DCAF6: variants seen among roughly 807,000 people sequenced by gnomAD.
DCAF6 encodes the protein DDB1 and CUL4 associated factor 6, also known as DDB1- and CUL4-associated factor 6.
In DCAF6, 54 loss-of-function variants were observed where a neutral mutation model predicts 125.1. The observed-to-expected ratio is 0.43, with a 90% CI of 0.35 to 0.54. DCAF6 has a LOEUF of 0.54. DCAF6 is among the 20% of genes least tolerant of loss of function. The probability of loss-of-function intolerance (pLI) is 0.01; values close to 1 mark genes in which losing one functional copy is unlikely to be tolerated. For missense variants in DCAF6, 934 were observed against 1,161.7 expected (o/e 0.80, Z 2.85); for synonymous variants, 371 against 390.4 (o/e 0.95, Z 0.58).
intron 10 of DCAF6, among the ~76,000 whole-genome samples, chr1:168,011,977 A>G (rs1180546605): frequency 2.6e-5 from 4 of 152,060 alleles, no homozygotes; most frequent in East Asian, 3.9e-4. Context: ...TGTCTCAGAA[A>G]AAAGAAAGAA....
chr1:167,953,140 TTTTC>T (rs1486281199), intron 2 of DCAF6, among the ~76,000 whole-genome samples: 25 of 152,324 alleles, frequency 1.6e-4, no homozygotes, highest in African/African-American at 6.0e-4. Flanking sequence ...ATAGTCCATA[TTTTC>T]TTTGTTTTAA....
chr1:167,991,202 A>G lies in DCAF6; in HGVS notation c.553-2A>G. ...TAATTGGTATTATGTTATGTTTTGT[A>G]GGATATTTTAATTAACTGTCGACGT... On this transcript the variant is annotated splice_acceptor_variant, in intron 5 of 21. Coordinates refer to ENST00000367840, the MANE Select transcript of DCAF6 (RefSeq NM_001198956.2). LOFTEE classifies it high-confidence loss of function. 6.2e-7 allele frequency: 1 copy of G among 1,609,704 alleles called. No homozygotes were observed. Among genetic ancestry groups the G allele is most frequent in the Non-Finnish European group, 8.5e-7 (1 of 1,178,726 alleles).
chr1:167,919,343 A>G, the DCAF6 span, among the ~76,000 whole-genome samples: 25 of 152,214 alleles, frequency 1.6e-4, no homozygotes, highest in African/African-American at 5.3e-4. Context: ...AATGGAGAGT[A>G]GTATAAAAGC....
At chr1:167,924,310 C>T in the DCAF6 span, 1 of 441,252 alleles carries the variant, frequency 2.3e-6, no homozygotes, top group Non-Finnish European at 4.1e-6. Context: ...CTAAAGAGTT[C>T]AGAAAAACTA....
At chr1:167,961,037 CT>C (rs1407918446) in intron 2 of DCAF6, among the ~76,000 whole-genome samples, 1 of 151,982 alleles carries the variant, frequency 6.6e-6, no homozygotes, top group Non-Finnish European at 1.5e-5. Context: ...TATAATTTTC[CT>C]CATAGAAATC....
the DCAF6 span, among the ~76,000 whole-genome samples, chr1:167,903,515 G>C: frequency 1.6e-4 from 25 of 152,124 alleles, no homozygotes; most frequent in Non-Finnish European, 3.2e-4. Context: ...AGTGAGCCAA[G>C]ATTGTGCCAC....
chr1:168,066,538 A>G, intron 20 of DCAF6, 73 bp downstream of exon 20: 2 of 1,076,834 alleles, frequency 1.9e-6, no homozygotes, highest in South Asian at 3.0e-5. Context: ...AGAAAAATTA[A>G]AAGTTATTAG....
At chr1:167,904,180 C>T in the DCAF6 span, among the ~76,000 whole-genome samples, 7 of 151,280 alleles carry the variant, frequency 4.6e-5, no homozygotes, top group African/African-American at 7.3e-5. Context: ...CTCCGCCTCC[C>T]GGGTTCAAGC....
At chr1:167,976,298 GTC>G (rs1209130592) in intron 4 of DCAF6, among the ~76,000 whole-genome samples, 2 of 151,918 alleles carry the variant, frequency 1.3e-5, no homozygotes, top group Non-Finnish European at 2.9e-5. Flanking sequence ...GTGAAACCCT[GTC>G]TCTACTAAAA....
At chr1:167,922,153 T>C in the DCAF6 span, among the ~76,000 whole-genome samples, 1 of 152,172 alleles carries the variant, frequency 6.6e-6, no homozygotes, top group Admixed American at 6.5e-5. Context: ...AAGTATCTAA[T>C]AGAAGAAGTC....
In DCAF6 at chr1:168,004,868, T is replaced by TA. The variant is rs1683129829; in HGVS notation, c.1378+76dup. 7 of 1,477,784 alleles carry TA rather than the reference T, an allele frequency of 4.7e-6. No individual in the cohort carries two copies. The East Asian group carries it at 1.4e-4, about 29-fold the overall frequency. 91.5% of individuals were successfully genotyped at this position (1,477,784 alleles called of 1,614,324 possible). ...TTTCTTTACTGGCTATTTTGAAAGA[T>TA]ACTAAATCACATCAACTTCTTGTTG... On this transcript the variant is annotated intron_variant, in intron 10 of 21. Coordinates refer to ENST00000367840, the MANE Select transcript of DCAF6 (RefSeq NM_001198956.2).
chr1:167,931,376 T>A (rs1042535246), upstream of DCAF6, among the ~76,000 whole-genome samples: 1 of 152,216 alleles, frequency 6.6e-6, no homozygotes, highest in African/African-American at 2.4e-5. Flanking sequence ...TCAACCTTCT[T>A]GGTAGCTGAT....
chr1:167,931,635 A>G (rs1260024798), upstream of DCAF6, among the ~76,000 whole-genome samples: 1 of 152,116 alleles, frequency 6.6e-6, no homozygotes, highest in African/African-American at 2.4e-5. Flanking sequence ...AAGTTCTAAC[A>G]GAGATGCTAA....
upstream of DCAF6, among the ~76,000 whole-genome samples, chr1:167,931,335 T>C (rs1466299661): frequency 1.3e-5 from 2 of 152,342 alleles, no homozygotes; most frequent in Admixed American, 1.3e-4. Context: ...GTGTCTAATA[T>C]ACAATAGGCC....
chr1:167,888,250 G>A, the DCAF6 span, among the ~76,000 whole-genome samples: 21 of 152,066 alleles, frequency 1.4e-4, no homozygotes, highest in Non-Finnish European at 2.4e-4. Flanking sequence ...GATAGCTTTG[G>A]CTACTCTGGG....
intron 1 of DCAF6, among the ~76,000 whole-genome samples, chr1:167,937,458 A>G (rs994034104): frequency 6.6e-6 from 1 of 152,030 alleles, no homozygotes; most frequent in Non-Finnish European, 1.5e-5. Flanking sequence ...CGACGCGTTG[A>G]CCACCCTCAG....
intron 10 of DCAF6, among the ~76,000 whole-genome samples, chr1:168,012,499 G>A (rs1684442254): frequency 6.6e-6 from 1 of 152,064 alleles, no homozygotes; most frequent in Non-Finnish European, 1.5e-5. Context: ...TTCAGTTTGG[G>A]TCATGTTGAC....
In DCAF6 at chr1:167,988,169, A is replaced by ATTAAT. The variant is rs1680287209; in HGVS notation, c.552+563_552+564insAATTT. Among the ~76,000 whole-genome samples, 10 of 151,924 alleles carry ATTAAT rather than the reference A, an allele frequency of 6.6e-5. No individual in the cohort carries two copies. The South Asian group carries it at 1.9e-3, about 28-fold the overall frequency. On this transcript the variant is annotated intron_variant, in intron 5 of 21. Transcript: ENST00000367840. The stretch of plus-strand genomic sequence containing the variant: ...TTAATACAATTAAATTAATTAATTA[A>ATTAAT]TTTTTTTTGAGACAAGGTCTCACTG...
chr1:167,865,717 A>T, the DCAF6 span, among the ~76,000 whole-genome samples: 2 of 152,244 alleles, frequency 1.3e-5, no homozygotes, highest in African/African-American at 4.8e-5. Context: ...CAATTAAGAC[A>T]GCATACCAAG....
Sources: allele counts gnomAD v4.1 joint callset (sites outside exome capture counted in the v4.1 genomes callset), GRCh38; gene constraint gnomAD v4.1.1; transcripts MANE v1.5; gene names NCBI Gene and HGNC (gene_info 2026-07-23, HGNC 2026-07-21).